The following CAMTA1 variants were observed in gnomAD, a reference collection of about 807,000 sequenced individuals.
The protein encoded by CAMTA1 is calmodulin binding transcription activator 1, also known as calmodulin-binding transcription activator 1.
In CAMTA1, 27 loss-of-function variants were observed where a neutral mutation model predicts 170.9. The observed-to-expected ratio is 0.16, with a 90% CI of 0.12 to 0.22. The LOEUF (loss-of-function observed/expected upper bound fraction) is 0.22. Ranked by LOEUF, CAMTA1 falls within the 10% of genes least tolerant of loss-of-function variation. The pLI, the probability that CAMTA1 is intolerant of heterozygous loss-of-function variation, is 1.00. For missense variants in CAMTA1, 1,619 were observed against 2,217.2 expected (o/e 0.73, Z 5.42); for synonymous variants, 833 against 891.5 (o/e 0.93, Z 1.17).
intron 3 of CAMTA1, among the ~76,000 whole-genome samples, chr1:6,924,337 G>A (rs909532508): frequency 8.1e-6 from 1 of 124,086 alleles, no homozygotes; most frequent in Non-Finnish European, 1.9e-5. Flanking sequence ...CTGGGAGGGG[G>A]TCAGGCCAGC....
intron 5 of CAMTA1, among the ~76,000 whole-genome samples, chr1:7,304,927 C>A (rs1675352978): frequency 6.6e-6 from 1 of 151,774 alleles, no homozygotes; most frequent in Non-Finnish European, 1.5e-5. Flanking sequence ...GAGGCCATTT[C>A]TTGTTCCAAA....
chr1:6,930,763 C>T lies in CAMTA1; in HGVS notation c.234+105553C>T, dbSNP rs148914836. ...AGCCATCTCTGGTCTCTGGGGCTCA[C>T]GGAAAAATGCTCATTGGCTCTGCAT... is the stretch of plus-strand genomic sequence containing the variant. On this transcript the variant is annotated intron_variant, in intron 3 of 22. Transcript: ENST00000303635. Among the ~76,000 whole-genome samples the T allele has an allele frequency of 3.3e-4, 51 of 152,282 alleles. No individual in the cohort carries two copies. In the Middle Eastern group the frequency reaches 0.01, roughly 30 times the overall value.
chr1:7,550,313 G>A (rs576310766), intron 6 of CAMTA1, among the ~76,000 whole-genome samples: 2 of 152,218 alleles, frequency 1.3e-5, no homozygotes, highest in African/African-American at 2.4e-5. Context: ...TGATGGTTCC[G>A]GAGTCCAGTG....
intron 4 of CAMTA1, among the ~76,000 whole-genome samples, chr1:7,188,767 A>G (rs1178959636): frequency 6.6e-6 from 1 of 152,224 alleles, no homozygotes; most frequent in Non-Finnish European, 1.5e-5. Context: ...CCTGCTATGA[A>G]CATAGGTGTA....
intron 19 of CAMTA1, chr1:7,749,869 G>C (rs1422561186): frequency 2.2e-6 from 1 of 451,906 alleles, no homozygotes; most frequent in African/African-American, 2.0e-5. Flanking sequence ...GCTACAGGGA[G>C]GGCCATTAAG....
At chr1:7,280,121 A>G (rs1175914445) in intron 5 of CAMTA1, among the ~76,000 whole-genome samples, 1 of 152,118 alleles carries the variant, frequency 6.6e-6, no homozygotes, top group Admixed American at 6.5e-5. Context: ...AAAACCAAAA[A>G]CCAAAACCCA....
chr1:7,348,362 C>A (rs1339149581), intron 5 of CAMTA1, among the ~76,000 whole-genome samples: 1 of 152,156 alleles, frequency 6.6e-6, no homozygotes, highest in Non-Finnish European at 1.5e-5. Context: ...GGAGGTCGTG[C>A]CAGTCATGCC....
chr1:7,443,260 T>A lies in CAMTA1; in HGVS notation c.439-24570T>A, dbSNP rs2092595139. Among the ~76,000 whole-genome samples the A allele has an allele frequency of 6.6e-6, 1 of 152,188 alleles. No individual in the cohort carries two copies. The highest frequency in any genetic ancestry group is 2.4e-5 in the African/African-American group (1 of 41,444). On this transcript the variant is annotated intron_variant, in intron 5 of 22. Transcript: ENST00000303635. The surrounding 1 kb of genome is among the most constrained non-coding windows in gnomAD (Gnocchi z 4.1). The stretch of plus-strand genomic sequence containing the variant: ...AGTCCATTTCCCCACTTTCGTGGGG[T>A]ACAGTCCCCTTGAGGCAGGGACCAG...
intron 5 of CAMTA1, among the ~76,000 whole-genome samples, chr1:7,349,374 G>C (rs560843098): frequency 2.0e-5 from 3 of 152,124 alleles, no homozygotes; most frequent in African/African-American, 7.2e-5. Flanking sequence ...CTTTCTGGGG[G>C]CCTAAAGGGG....
rs184931564 is a variant in CAMTA1 at position 7,028,465 on chromosome 1, T to G, written c.235-62839T>G. On this transcript the variant is annotated intron_variant, in intron 3 of 22. Transcript: ENST00000303635. ...CTTCTGAGGCTGTCTCTAGCACAGG[T>G]GTCTTCATGAGGTCCCTGGTTGCCC... Among the ~76,000 whole-genome samples, 7 of 152,334 alleles carry G rather than the reference T, an allele frequency of 4.6e-5. No individual in the cohort carries two copies. The East Asian group carries it at 1.3e-3, about 29-fold the overall frequency.
At chr1:7,034,052 C>A (rs1237201088) in intron 3 of CAMTA1, among the ~76,000 whole-genome samples, 1 of 152,154 alleles carries the variant, frequency 6.6e-6, no homozygotes, top group African/African-American at 2.4e-5. Flanking sequence ...AGGTAAAACT[C>A]TACTGAGTAC....
chr1:6,850,293 A>T (rs778780518), intron 3 of CAMTA1, among the ~76,000 whole-genome samples: 64 of 152,200 alleles, frequency 4.2e-4, no homozygotes, highest in Non-Finnish European at 7.2e-4. Flanking sequence ...TAAATGGCAA[A>T]CTAGGAAAAG....
At chr1:7,321,482 TG>T (rs1678413321) in intron 5 of CAMTA1, among the ~76,000 whole-genome samples, 2 of 152,218 alleles carry the variant, frequency 1.3e-5, no homozygotes, top group African/African-American at 4.8e-5. Context: ...ACAATCCTTA[TG>T]ACCCTGGAGA....
chr1:7,120,121 G>A (rs1644557833), intron 4 of CAMTA1, among the ~76,000 whole-genome samples: 1 of 152,178 alleles, frequency 6.6e-6, no homozygotes, highest in African/African-American at 2.4e-5. Context: ...ACTCAGATCT[G>A]TCTAACTTGG....
intron 6 of CAMTA1, among the ~76,000 whole-genome samples, chr1:7,601,419 G>A (rs1156828698): frequency 1.3e-5 from 2 of 151,864 alleles, no homozygotes; most frequent in Non-Finnish European, 2.9e-5. Context: ...TTCCTAGATG[G>A]GATGGCGGCC....
chr1:7,449,850 C>T lies in CAMTA1; in HGVS notation c.439-17980C>T, dbSNP rs146920757. Among the ~76,000 whole-genome samples the T allele has an allele frequency of 2.6e-4, 39 of 151,832 alleles. No homozygotes were observed. The East Asian group carries it at 6.6e-3, about 26-fold the overall frequency. ...AGTACTCAGTGGAACGGCAGGGACT[C>T]AGAGCAGCCCCCGAGGAGTATGAGC... On this transcript the variant is annotated intron_variant, in intron 5 of 22. Transcript: ENST00000303635.
chr1:6,885,362 G>C (rs192809696), intron 3 of CAMTA1, among the ~76,000 whole-genome samples: 1 of 152,326 alleles, frequency 6.6e-6, no homozygotes, highest in East Asian at 1.9e-4. Flanking sequence ...GTGTGTGTGT[G>C]TAGGGGATTA....
In CAMTA1 at chr1:6,983,040, T is replaced by C. The variant is rs1282589046; in HGVS notation, c.235-108264T>C. Among the ~76,000 whole-genome samples the C allele has an allele frequency of 2.0e-5, 3 of 152,164 alleles. No individual in the cohort carries two copies. The East Asian group carries it at 5.8e-4, about 29-fold the overall frequency. Reference sequence around the variant, plus strand: ...GCTGACCCATGTAAACTTACCTTGATGATTCATCCTCCAAAACTCTGGGGA... The same window carrying C: ...GCTGACCCATGTAAACTTACCTTGACGATTCATCCTCCAAAACTCTGGGGA... On this transcript the variant is annotated intron_variant, in intron 3 of 22. Coordinates refer to ENST00000303635, the MANE Select transcript of CAMTA1 (RefSeq NM_015215.4).
chr1:7,699,493 T>C (rs1312616417), intron 11 of CAMTA1, among the ~76,000 whole-genome samples: 1 of 152,250 alleles, frequency 6.6e-6, no homozygotes, highest in Admixed American at 6.5e-5. Context: ...TAAATGTCCA[T>C]ATGTATGGAC....
Sources: allele counts gnomAD v4.1 joint callset (sites outside exome capture counted in the v4.1 genomes callset), GRCh38; gene constraint gnomAD v4.1.1; non-coding constraint Gnocchi (gnomAD v3.1); transcripts MANE v1.5; gene names NCBI Gene and HGNC (gene_info 2026-07-23, HGNC 2026-07-21).